The following MED13 variants were observed in gnomAD, a reference collection of about 807,000 sequenced individuals.
MED13 encodes the protein mediator complex subunit 13, also known as mediator of RNA polymerase II transcription subunit 13.
Under a neutral mutation model 225.2 loss-of-function variants are expected in MED13, and 23 were observed. That is an observed-to-expected ratio of 0.10 (90% CI 0.07 to 0.14). MED13 has a LOEUF of 0.14. MED13 is among the 10% of genes least tolerant of loss of function. The pLI is 1.00. For synonymous variants in MED13, 942 were observed against 889.2 expected, an observed-to-expected ratio of 1.06 and a Z score of -1.06; for missense variants, 2,197 against 2,594.5, an observed-to-expected ratio of 0.85 and a Z score of 3.33.
At chr17:61,978,882 T>C (rs777130053) in intron 16 of MED13, among the ~76,000 whole-genome samples, 3 of 152,238 alleles carry the variant, frequency 2.0e-5, no homozygotes, top group Non-Finnish European at 2.9e-5. Context: ...ACTTAATCAC[T>C]GGTCCATGTG....
At position 62,037,559 on chromosome 17, in the gene MED13, C is replaced by A. The variant is rs1449509251; in HGVS notation, c.471-1951G>T. 2.0e-5 allele frequency among the ~76,000 whole-genome samples: 3 copies of A among 149,014 alleles called. No homozygotes were observed. The East Asian group carries it at 6.0e-4, about 30-fold the overall frequency. Reference sequence around the variant, plus strand: ...GTATGCGCCTGTAATCCCAGCTACTCAGGAGGCTGAGGCATGAGAATCGCT... The same window carrying A: ...GTATGCGCCTGTAATCCCAGCTACTAAGGAGGCTGAGGCATGAGAATCGCT... On this transcript the variant is annotated intron_variant, in intron 3 of 29. Transcript: ENST00000397786.
intron 14 of MED13, 97 bp downstream of exon 14, chr17:61,984,554 C>T: frequency 8.7e-7 from 1 of 1,146,872 alleles, no homozygotes; most frequent in Non-Finnish European, 1.2e-6. Context: ...AGCTACAAAA[C>T]CGCAACCACT....
In MED13 at chr17:61,981,986, T is replaced by C. The variant is rs531672510; in HGVS notation, c.3805+212A>G. ...TGCCTTTCATATTCCTACATAAGTATATAATTACAGATTTATAATAACCAT... is the reference window on the plus strand; with the variant it reads ...TGCCTTTCATATTCCTACATAAGTACATAATTACAGATTTATAATAACCAT... On this transcript the variant is annotated intron_variant, in intron 16 of 29. Coordinates refer to ENST00000397786, the MANE Select transcript of MED13 (RefSeq NM_005121.3). 2.0e-5 allele frequency among the ~76,000 whole-genome samples: 3 copies of C among 152,310 alleles called. No individual in the cohort carries two copies. In the East Asian group the frequency reaches 5.8e-4, roughly 29 times the overall value.
At chr17:62,042,404 A>G (rs1448118622) in intron 3 of MED13, among the ~76,000 whole-genome samples, 1 of 151,928 alleles carries the variant, frequency 6.6e-6, no homozygotes, top group East Asian at 1.9e-4. Flanking sequence ...TCTACTAAAA[A>G]CATAAAAATT....
chr17:61,997,788 G>A (rs892331820), intron 9 of MED13, among the ~76,000 whole-genome samples: 1 of 151,922 alleles, frequency 6.6e-6, no homozygotes, highest in Non-Finnish European at 1.5e-5. Flanking sequence ...AATAAAACTC[G>A]GTGTTTCATA....
chr17:62,056,476 C>A (rs1603410267), intron 2 of MED13, among the ~76,000 whole-genome samples: 1 of 152,170 alleles, frequency 6.6e-6, no homozygotes, highest in African/African-American at 2.4e-5. Flanking sequence ...CTATTTTCCT[C>A]CTCTAGCCAG....
chr17:62,038,155 A>C (rs1403377697), intron 3 of MED13, among the ~76,000 whole-genome samples: 1 of 152,102 alleles, frequency 6.6e-6, no homozygotes. Flanking sequence ...AGCACTTGGG[A>C]GGCTGAGGCA....
chr17:61,975,955 G>T (rs1364233248), intron 16 of MED13, among the ~76,000 whole-genome samples: 1 of 152,074 alleles, frequency 6.6e-6, no homozygotes, highest in East Asian at 1.9e-4. Flanking sequence ...GGTGGAGGTT[G>T]CAGTGAGCCA....
At chr17:61,967,988 C>T in intron 18 of MED13, 47 bp downstream of exon 18, 2 of 1,445,502 alleles carry the variant, frequency 1.4e-6, no homozygotes, top group East Asian at 2.3e-5. Context: ...TACAACAATA[C>T]AAATCGTAAG....
In MED13 at chr17:61,982,435, A is replaced by G. The variant is rs1267440678; in HGVS notation, c.3568T>C (p.Leu1190=). 6.2e-7 allele frequency: 1 copy of G among 1,614,250 alleles called. No homozygotes were observed. The highest frequency in any genetic ancestry group is 8.5e-7 in the Non-Finnish European group (1 of 1,180,048). The part of the protein sequence containing the change: ...ESEKLSDDLI[L]LLQDQCTNLF... ...TTAGTGCACTGATCTTGTAGCAATA[A>G]TATCAAATCATCAGATAATTTTTCA... Residue 1190 remains leucine (L), a synonymous_variant, in exon 16 of 30, where the codon TTA becomes CTA. Coordinates refer to ENST00000397786, the MANE Select transcript of MED13 (RefSeq NM_005121.3).
chr17:62,050,981 G>C (rs533481982), intron 3 of MED13, among the ~76,000 whole-genome samples: 1 of 152,250 alleles, frequency 6.6e-6, no homozygotes, highest in African/African-American at 2.4e-5. Flanking sequence ...CTCCAGCCTG[G>C]GCAACAGAGT....
intron 17 of MED13, among the ~76,000 whole-genome samples, chr17:61,971,098 T>C (rs1226404759): frequency 1.3e-5 from 2 of 152,076 alleles, no homozygotes; most frequent in African/African-American, 4.8e-5. Flanking sequence ...AAAGTAGCTG[T>C]AATGATAATG....
chr17:62,052,593 A>G lies in MED13; in HGVS notation c.414T>C (p.Arg138=). ...ERCLMNRNFV[R]IGKWFVKPYE... is the part of the protein sequence containing the mutation. Reference sequence around the variant, plus strand: ...AAGGCTTTACAAACCACTTGCCAATACGTACAAAATTCCTGTTCATTAAAC... The same window carrying G: ...AAGGCTTTACAAACCACTTGCCAATGCGTACAAAATTCCTGTTCATTAAAC... Residue 138 remains arginine (R), a synonymous_variant, in exon 3 of 30, where the codon CGT becomes CGC. Transcript: ENST00000397786. 6.3e-7 allele frequency: 1 copy of G among 1,599,260 alleles called. No homozygotes were observed. The highest frequency in any genetic ancestry group is 8.5e-7 in the Non-Finnish European group (1 of 1,171,790).
In MED13 at chr17:61,956,380, A is replaced by C; in HGVS notation, c.5582T>G (p.Val1861Gly). ...ACCAATCCTTCCTAGACGACCAATT[A>C]CAACTCTCCATGGCAATGAACTCAT... The part of the protein sequence containing the change: ...VQMSSLPWRV[V>G]IGRLGRIGHG... The change falls in exon 24 of 30, where the codon GTA (valine) becomes GGA (glycine). Residue 1861 changes from valine to glycine, a missense_variant. Physicochemically the swap from Val to Gly is moderately radical, Grantham distance 109. Transcript: ENST00000397786. 3.1e-6 allele frequency: 5 copies of C among 1,613,942 alleles called. No homozygotes were observed. The highest frequency in any genetic ancestry group is 4.2e-6 in the Non-Finnish European group (5 of 1,179,920).
At position 62,029,605 on chromosome 17, in the gene MED13, C is replaced by G; in HGVS notation, c.1219G>C (p.Ala407Pro). 6.2e-7 allele frequency: 1 copy of G among 1,614,168 alleles called. No individual in the cohort carries two copies. Among genetic ancestry groups the G allele is most frequent in the African/African-American group, 1.3e-5 (1 of 75,052 alleles). The change falls in exon 8 of 30, where the codon GCT becomes CCT. Residue 407 changes from alanine (A) to proline (P), a missense_variant. Ala to Pro is a conservative substitution (Grantham distance 27, BLOSUM62 -1). This residue lies in a region of MED13 where 884 missense variants were observed against 918.5 expected (regional missense o/e 0.96). Coordinates refer to ENST00000397786, the MANE Select transcript of MED13 (RefSeq NM_005121.3). ...AAATCCCAGGATGCCACTTTAGCAGCTGTCGCTTCTTCGCATAGACCACCT... is the reference window on the plus strand; with the variant it reads ...AAATCCCAGGATGCCACTTTAGCAGGTGTCGCTTCTTCGCATAGACCACCT... ...SSGGLCEEAT[A>P]AKVASWDFVE...
At chr17:61,998,011 T>G (rs1158586611) in intron 9 of MED13, among the ~76,000 whole-genome samples, 1 of 152,218 alleles carries the variant, frequency 6.6e-6, no homozygotes, top group Admixed American at 6.5e-5. Context: ...GCAAAGAATT[T>G]AAATGTAGTC....
intron 9 of MED13, among the ~76,000 whole-genome samples, chr17:61,998,533 AT>A (rs1242364061): frequency 3.3e-5 from 5 of 152,062 alleles, no homozygotes; most frequent in Non-Finnish European, 7.4e-5. Context: ...ATAGAAGCAG[AT>A]AAGCTACAGA....
At chr17:61,980,015 C>G (rs2080189990) in intron 16 of MED13, among the ~76,000 whole-genome samples, 1 of 152,118 alleles carries the variant, frequency 6.6e-6, no homozygotes, top group Admixed American at 6.5e-5. Flanking sequence ...ACAGTGAAAC[C>G]TCGTCTCTAC....
intron 16 of MED13, among the ~76,000 whole-genome samples, chr17:61,977,481 T>C (rs2080167187): frequency 6.6e-6 from 1 of 152,224 alleles, no homozygotes; most frequent in Non-Finnish European, 1.5e-5. Context: ...AGACGGAGTC[T>C]CTCTCTGTCG....
Sources: allele counts gnomAD v4.1 joint callset (sites outside exome capture counted in the v4.1 genomes callset), GRCh38; gene constraint gnomAD v4.1.1; regional missense constraint gnomAD v4.1.1; transcripts MANE v1.5; gene names NCBI Gene and HGNC (gene_info 2026-07-23, HGNC 2026-07-21).